The following STAU2 variants were observed in gnomAD, a reference collection of about 807,000 sequenced individuals.
STAU2 encodes the protein double-stranded RNA-binding protein Staufen homolog 2.
Under a neutral mutation model 65.9 loss-of-function variants are expected in STAU2, and 20 were observed. The ratio of observed to expected loss-of-function variants is 0.30; its 90% CI spans 0.21 to 0.44. STAU2 has a LOEUF of 0.44. STAU2 is among the 20% of genes least tolerant of loss of function. The pLI is 1.00. For synonymous variants in STAU2, 232 were observed against 233.9 expected (o/e 0.99, Z 0.07); for missense variants, 558 against 683.9 (o/e 0.82, Z 2.05).
chr8:73,603,955 A>T, intron 9 of STAU2, 92 bp from the exon 10 acceptor site: 14 of 1,300,728 alleles, frequency 1.1e-5, no homozygotes, highest in Non-Finnish European at 1.4e-5. Flanking sequence ...CTCCACCCCC[A>T]CACCCCAAAA....
At chr8:73,439,305 G>T in intron 13 of STAU2, 1 of 321,388 alleles carries the variant, frequency 3.1e-6, no homozygotes, top group South Asian at 2.5e-5. Flanking sequence ...GTGAAGGCAG[G>T]ACAGCAAGCT....
chr8:73,574,770 T>C (rs542912942), intron 12 of STAU2, among the ~76,000 whole-genome samples: 24 of 151,992 alleles, frequency 1.6e-4, no homozygotes, highest in Admixed American at 1.1e-3. Flanking sequence ...GGTAGGGGGC[T>C]GAGGGAGGGA....
intron 5 of STAU2, among the ~76,000 whole-genome samples, chr8:73,682,679 T>C (rs1291392173): frequency 6.6e-6 from 1 of 152,098 alleles, no homozygotes; most frequent in Admixed American, 6.6e-5. Context: ...AACAAAAAGT[T>C]GGTTCTTTGA....
intron 13 of STAU2, among the ~76,000 whole-genome samples, chr8:73,499,456 A>C (rs1183177147): frequency 6.6e-6 from 1 of 151,852 alleles, no homozygotes; most frequent in Non-Finnish European, 1.5e-5. Flanking sequence ...AGGAAGAGAT[A>C]AGTCAGTCAT....
At chr8:73,587,587 T>C (rs1810466205) in intron 11 of STAU2, among the ~76,000 whole-genome samples, 1 of 152,140 alleles carries the variant, frequency 6.6e-6, no homozygotes, top group African/African-American at 2.4e-5. Context: ...GGTAAAGACT[T>C]TGGGGACAGA....
chr8:73,699,221 G>GTGGAAAAATTTCAAACA (rs1453098783), intron 4 of STAU2, among the ~76,000 whole-genome samples: 1 of 151,844 alleles, frequency 6.6e-6, no homozygotes, highest in East Asian at 1.9e-4. Context: ...CATCAAAAAA[G>GTGGAAAAATTTCAAACA]TGGAAAAATT....
intron 13 of STAU2, among the ~76,000 whole-genome samples, chr8:73,469,483 A>G (rs1365005453): frequency 6.6e-6 from 1 of 151,110 alleles, no homozygotes; most frequent in Non-Finnish European, 1.5e-5. Context: ...TAAAAAAAAA[A>G]AAAGAAAGTG....
At chr8:73,514,559 G>A (rs1034626074) in intron 13 of STAU2, among the ~76,000 whole-genome samples, 2 of 152,094 alleles carry the variant, frequency 1.3e-5, no homozygotes, top group Non-Finnish European at 2.9e-5. Flanking sequence ...TTCTCATGCT[G>A]TTTCCCCTAT....
At chr8:73,569,532 G>A (rs185349324) in intron 12 of STAU2, among the ~76,000 whole-genome samples, 19 of 152,190 alleles carry the variant, frequency 1.2e-4, no homozygotes, top group South Asian at 4.2e-4. Flanking sequence ...CCTGACCCCC[G>A]AGAAGCCTAA....
At chr8:73,499,683 G>T (rs1490217720) in intron 13 of STAU2, among the ~76,000 whole-genome samples, 1 of 151,770 alleles carries the variant, frequency 6.6e-6, no homozygotes, top group Non-Finnish European at 1.5e-5. Flanking sequence ...TGGCAGTTGA[G>T]GAAAGGAAGA....
chr8:73,581,047 T>C (rs1391180363), intron 12 of STAU2, among the ~76,000 whole-genome samples: 3 of 152,194 alleles, frequency 2.0e-5, no homozygotes, highest in African/African-American at 7.2e-5. Flanking sequence ...TTCTGATCAC[T>C]TAAACTCACT....
chr8:73,591,881 G>GAAAAAAAAAAAAAAAAAAAA (rs1224981628), intron 11 of STAU2, among the ~76,000 whole-genome samples: 1 of 35,586 alleles, frequency 2.8e-5, no homozygotes, highest in African/African-American at 1.3e-4. Context: ...TATCCCAGAG[G>GAAAAAAAAAAAAAAAAAAAA]TAAAAAAAAA....
intron 3 of STAU2, among the ~76,000 whole-genome samples, chr8:73,737,410 A>ACAG (rs909260733): frequency 2.0e-5 from 3 of 152,046 alleles, no homozygotes; most frequent in African/African-American, 7.2e-5. Context: ...ACCTCAGGTG[A>ACAG]TCTGCCCGCC....
At chr8:73,436,537 A>ACC (rs1329818204) in intron 13 of STAU2, among the ~76,000 whole-genome samples, 2 of 151,038 alleles carry the variant, frequency 1.3e-5, no homozygotes, top group African/African-American at 4.9e-5. Flanking sequence ...CTCATCCATC[A>ACC]CCCAGATGAA....
At chr8:73,575,141 AAAG>A (rs1809437371) in intron 12 of STAU2, among the ~76,000 whole-genome samples, 1 of 151,410 alleles carries the variant, frequency 6.6e-6, no homozygotes. Context: ...AAAAAAAAAA[AAAG>A]AGAGAAAAAG....
intron 5 of STAU2, among the ~76,000 whole-genome samples, chr8:73,686,646 G>A (rs1471493628): frequency 2.0e-5 from 3 of 151,818 alleles, no homozygotes; most frequent in East Asian, 1.9e-4. Flanking sequence ...TACACTGCAT[G>A]GGTGATGGGT....
intron 11 of STAU2, among the ~76,000 whole-genome samples, chr8:73,592,642 T>C (rs1284617576): frequency 6.6e-6 from 1 of 152,102 alleles, no homozygotes; most frequent in Non-Finnish European, 1.5e-5. Flanking sequence ...GCGGATCATT[T>C]GAGGTCAGGA....
At chr8:73,617,944 G>A (rs557170203) in intron 6 of STAU2, among the ~76,000 whole-genome samples, 1 of 152,344 alleles carries the variant, frequency 6.6e-6, no homozygotes, top group South Asian at 2.1e-4. Flanking sequence ...GTTTAGGCCA[G>A]TTCTTAAGCA....
chr8:73,439,851 C>T (rs1417085764), intron 13 of STAU2: 1 of 152,254 alleles, frequency 6.6e-6, no homozygotes, highest in African/African-American at 2.4e-5. Flanking sequence ...TGGCTTGCTC[C>T]TGATAGATCT....
Sources: allele counts gnomAD v4.1 joint callset (sites outside exome capture counted in the v4.1 genomes callset), GRCh38; gene constraint gnomAD v4.1.1; transcripts MANE v1.5; gene names NCBI Gene and HGNC (gene_info 2026-07-23, HGNC 2026-07-21).